COMMD1: variants seen among roughly 807,000 people sequenced by gnomAD.
COMMD1 encodes COMM domain-containing protein 1.
Under a neutral mutation model 17.2 loss-of-function variants are expected in COMMD1, and 10 were observed. That is an observed-to-expected ratio of 0.58 (90% CI 0.36 to 0.99). COMMD1 has a LOEUF of 0.99. Ranked by LOEUF, COMMD1 falls within the 50% of genes least tolerant of loss-of-function variation. COMMD1 has a pLI of 0.01. For synonymous variants in COMMD1, 97 were observed against 91.6 expected, an observed-to-expected ratio of 1.06 and a Z score of -0.34; for missense variants, 270 against 231.8, an observed-to-expected ratio of 1.17 and a Z score of -1.07.
At chr2:62,129,909 C>T (rs1233683873) in intron 2 of COMMD1, among the ~76,000 whole-genome samples, 3 of 152,164 alleles carry the variant, frequency 2.0e-5, no homozygotes, top group African/African-American at 7.2e-5. Flanking sequence ...GGCGCCGTGG[C>T]TTACGCCTGT....
chr2:62,074,546 T>C (rs1424523373), intron 2 of COMMD1, among the ~76,000 whole-genome samples: 1 of 152,238 alleles, frequency 6.6e-6, no homozygotes, highest in East Asian at 1.9e-4. Context: ...AGTCAAATTC[T>C]GTATTATACA....
At chr2:62,035,886 T>A (rs1249784269) in intron 2 of COMMD1, among the ~76,000 whole-genome samples, 1 of 149,954 alleles carries the variant, frequency 6.7e-6, no homozygotes, top group African/African-American at 2.4e-5. Flanking sequence ...ACCCTGTCTC[T>A]AAAAAAAAAT....
At chr2:62,063,868 AAT>A (rs55740628) in intron 2 of COMMD1, among the ~76,000 whole-genome samples, 34,361 of 81,082 alleles carry the variant, frequency 0.42, 7,833 homozygotes, top group Middle Eastern at 0.61. Flanking sequence ...GTCTCTACAA[AAT>A]ATATATATAT....
At chr2:61,981,734 T>G (rs1296342522) in intron 1 of COMMD1, among the ~76,000 whole-genome samples, 1 of 152,082 alleles carries the variant, frequency 6.6e-6, no homozygotes, top group Non-Finnish European at 1.5e-5. Flanking sequence ...TATAAAACCA[T>G]CAGATCTTAT....
At chr2:62,124,157 T>C (rs759604880) in intron 2 of COMMD1, among the ~76,000 whole-genome samples, 1 of 151,866 alleles carries the variant, frequency 6.6e-6, no homozygotes, top group Non-Finnish European at 1.5e-5. Context: ...ATGAGCTGGG[T>C]ATGGTGGCAC....
chr2:62,130,554 T>C (rs1392697609), intron 2 of COMMD1, among the ~76,000 whole-genome samples: 1 of 152,180 alleles, frequency 6.6e-6, no homozygotes, highest in African/African-American at 2.4e-5. Flanking sequence ...ACATTGCCAA[T>C]GTTGTATTAT....
At chr2:62,014,541 C>T (rs1227547680) in intron 2 of COMMD1, among the ~76,000 whole-genome samples, 2 of 112,820 alleles carry the variant, frequency 1.8e-5, no homozygotes, top group East Asian at 5.5e-4. Flanking sequence ...ACCATTTTAA[C>T]CTTTTTTTTT....
chr2:62,003,635 CA>C lies in COMMD1; in HGVS notation c.462+2654del, dbSNP rs1336867627. ...ACACACACACACACACACACACACA[CA>C]CACACCCAACAGATTAGAAAAGTTT... On this transcript the variant is annotated intron_variant, in intron 2 of 2. Coordinates refer to ENST00000311832, the MANE Select transcript of COMMD1 (RefSeq NM_152516.4). 2.0e-5 allele frequency among the ~76,000 whole-genome samples: 3 copies of C among 146,800 alleles called. No individual in the cohort carries two copies. In the East Asian group the frequency reaches 6.0e-4, roughly 29 times the overall value.
chr2:62,107,737 T>G (rs1672355773), intron 2 of COMMD1, among the ~76,000 whole-genome samples: 4 of 152,220 alleles, frequency 2.6e-5, no homozygotes, highest in Admixed American at 1.3e-4. Flanking sequence ...AAACCGGCAT[T>G]CATTTGGGAA....
chr2:62,067,166 G>C (rs562880179), intron 2 of COMMD1, among the ~76,000 whole-genome samples: 1 of 151,910 alleles, frequency 6.6e-6, no homozygotes, highest in South Asian at 2.1e-4. Context: ...CGGAGGTTGC[G>C]GTGAGCAGAG....
intron 1 of COMMD1, among the ~76,000 whole-genome samples, chr2:61,930,551 G>A (rs139865021): frequency 6.6e-5 from 10 of 151,922 alleles, no homozygotes; most frequent in South Asian, 2.1e-4. Flanking sequence ...GCAAGACTCC[G>A]TCTCGGAAAG....
intron 2 of COMMD1, among the ~76,000 whole-genome samples, chr2:62,063,004 G>T (rs766648623): frequency 3.7e-4 from 56 of 152,050 alleles, no homozygotes; most frequent in Middle Eastern, 3.4e-3. Flanking sequence ...GGATAATGAG[G>T]TCAGGAGATC....
chr2:62,036,085 C>T (rs938132417), intron 2 of COMMD1, among the ~76,000 whole-genome samples: 4 of 151,482 alleles, frequency 2.6e-5, no homozygotes, highest in Non-Finnish European at 5.9e-5. Context: ...CACACACACA[C>T]ACACAAAGTT....
At chr2:61,905,953 C>T in intron 1 of COMMD1, 95 bp downstream of exon 1, 1 of 1,287,170 alleles carries the variant, frequency 7.8e-7, no homozygotes, top group Non-Finnish European at 1.1e-6. Flanking sequence ...TCCTCACAAG[C>T]CGAAAGGCTT....
At chr2:61,950,932 T>A (rs1336076762) in intron 1 of COMMD1, among the ~76,000 whole-genome samples, 1 of 152,208 alleles carries the variant, frequency 6.6e-6, no homozygotes, top group Non-Finnish European at 1.5e-5. Context: ...CATGGGAAAC[T>A]GAAATCAGGG....
Position 62,007,826 on chromosome 2 carries a change from A to G in COMMD1, c.462+6844A>G, listed in dbSNP as rs898768073. Among the ~76,000 whole-genome samples the G allele has an allele frequency of 3.3e-5, 5 of 152,192 alleles. No homozygotes were observed. In the East Asian group the frequency reaches 9.6e-4, roughly 29 times the overall value. ...TTAAGCTATGCATAACTATACACTG[A>G]TCTGCTTTTGTAATTCTAGCTAGTA... On this transcript the variant is annotated intron_variant, in intron 2 of 2. Coordinates refer to ENST00000311832, the MANE Select transcript of COMMD1 (RefSeq NM_152516.4).
chr2:61,896,753 C>G (rs375735574), intron 1 of COMMD1, among the ~76,000 whole-genome samples: 12 of 151,740 alleles, frequency 7.9e-5, no homozygotes, highest in African/African-American at 2.9e-4. Context: ...TCTGACTTGA[C>G]TTTTTCTTCC....
intron 1 of COMMD1, among the ~76,000 whole-genome samples, chr2:61,997,563 C>T (rs748295936): frequency 5.3e-5 from 8 of 152,080 alleles, no homozygotes; most frequent in Non-Finnish European, 1.2e-4. Flanking sequence ...AGTAGTTTTA[C>T]GTAAAATATT....
chr2:62,120,538 G>A (rs374746405), intron 2 of COMMD1, among the ~76,000 whole-genome samples: 16 of 151,954 alleles, frequency 1.1e-4, no homozygotes, highest in Admixed American at 8.5e-4. Flanking sequence ...TTCTCCTTCA[G>A]TGTGATCTGC....
Sources: allele counts gnomAD v4.1 joint callset (sites outside exome capture counted in the v4.1 genomes callset), GRCh38; gene constraint gnomAD v4.1.1; transcripts MANE v1.5; gene names NCBI Gene and HGNC (gene_info 2026-07-23, HGNC 2026-07-21).